The following EYS variants were observed in gnomAD, a reference collection of about 807,000 sequenced individuals.
EYS encodes protein eyes shut homolog.
Under a neutral mutation model 282.1 loss-of-function variants are expected in EYS, and 250 were observed. The observed-to-expected ratio is 0.89, with a 90% CI of 0.80 to 0.98. EYS has a LOEUF of 0.98. Ranked by LOEUF, EYS falls within the 50% of genes least tolerant of loss-of-function variation. The probability of loss-of-function intolerance (pLI) is 0.00; values close to 1 mark genes in which losing one functional copy is unlikely to be tolerated. For missense variants in EYS, 4,016 were observed against 3,709.0 expected (o/e 1.08, Z -2.15); for synonymous variants, 1,355 against 1,282.9 (o/e 1.06, Z -1.20).
chr6:64,893,642 A>G (rs1246336658), intron 18 of EYS, among the ~76,000 whole-genome samples: 1 of 152,032 alleles, frequency 6.6e-6, no homozygotes, highest in African/African-American at 2.4e-5. Context: ...TTCATTGAAA[A>G]TGGCTTTTAT....
chr6:65,062,748 A>C (rs1773616339), intron 12 of EYS, among the ~76,000 whole-genome samples: 1 of 151,934 alleles, frequency 6.6e-6, no homozygotes, highest in Admixed American at 6.6e-5. Context: ...TCTCTGGAGG[A>C]TAACTCATTC....
intron 12 of EYS, among the ~76,000 whole-genome samples, chr6:65,217,172 C>A (rs1766335911): frequency 1.3e-5 from 2 of 151,948 alleles, no homozygotes; most frequent in Admixed American, 1.3e-4. Flanking sequence ...ATGTTGTGCT[C>A]TTGAGAAGTA....
intron 29 of EYS, among the ~76,000 whole-genome samples, chr6:64,355,174 TAC>T (rs1402411163): frequency 6.6e-6 from 1 of 151,648 alleles, no homozygotes; most frequent in African/African-American, 2.4e-5. Flanking sequence ...ATGTGCTGCC[TAC>T]AGTTATCTCA....
chr6:64,518,438 C>T (rs1457629150), intron 26 of EYS, among the ~76,000 whole-genome samples: 1 of 151,678 alleles, frequency 6.6e-6, no homozygotes, highest in Non-Finnish European at 1.5e-5. Context: ...TGATTTCATA[C>T]CGTAAGTTGA....
At chr6:65,489,522 TTGG>T (rs948041081) in intron 5 of EYS, 1 of 152,120 alleles carries the variant, frequency 6.6e-6, no homozygotes, top group African/African-American at 2.4e-5. Flanking sequence ...TTTTACACTG[TTGG>T]TGGGAGTGTA....
At chr6:63,855,558 T>G (rs1433303829) in intron 36 of EYS, among the ~76,000 whole-genome samples, 1 of 152,242 alleles carries the variant, frequency 6.6e-6, no homozygotes, top group Non-Finnish European at 1.5e-5. Context: ...GAAGGACTTT[T>G]AAATTATTTT....
At chr6:63,771,711 A>G (rs1244871134) in intron 40 of EYS, among the ~76,000 whole-genome samples, 3 of 152,220 alleles carry the variant, frequency 2.0e-5, no homozygotes, top group South Asian at 4.1e-4. Context: ...GCCACAGTGT[A>G]GGGAGGCTTG....
At chr6:63,859,056 TC>T (rs1481471009) in intron 36 of EYS, among the ~76,000 whole-genome samples, 7 of 146,418 alleles carry the variant, frequency 4.8e-5, no homozygotes, top group African/African-American at 1.7e-4. Context: ...AATTTTGATT[TC>T]CATTGATGTC....
At chr6:63,845,676 G>T (rs1198474086) in intron 36 of EYS, among the ~76,000 whole-genome samples, 7 of 148,730 alleles carry the variant, frequency 4.7e-5, no homozygotes, top group Admixed American at 2.7e-4. Flanking sequence ...TTTTTGTCTA[G>T]GGGACTTTTT....
chr6:65,615,334 A>G (rs1161994461), intron 2 of EYS, among the ~76,000 whole-genome samples: 1 of 151,340 alleles, frequency 6.6e-6, no homozygotes, highest in Non-Finnish European at 1.5e-5. Context: ...CTCTGAGGAA[A>G]ATAATTCATC....
chr6:64,123,160 T>C (rs1050512242), intron 31 of EYS, among the ~76,000 whole-genome samples: 1 of 152,228 alleles, frequency 6.6e-6, no homozygotes, highest in Non-Finnish European at 1.5e-5. Context: ...GATTTTTGTT[T>C]GTTATCCTGA....
Position 63,883,433 on chromosome 6 carries a change from C to G in EYS, c.7056-19075G>C, listed in dbSNP as rs563309295. Among the ~76,000 whole-genome samples the G allele has an allele frequency of 2.6e-5, 4 of 152,374 alleles. No homozygotes were observed. The South Asian group carries it at 6.2e-4, about 24-fold the overall frequency. ...TCTTCTACCCTTGTGAAAACACAGT[C>G]TGAAGGAGCAGAGTCAATGCCCCAC... is the stretch of plus-strand genomic sequence containing the variant. On this transcript the variant is annotated intron_variant, in intron 35 of 42. Coordinates refer to ENST00000503581, the MANE Select transcript of EYS (RefSeq NM_001142800.2).
intron 2 of EYS, among the ~76,000 whole-genome samples, chr6:65,524,997 G>A (rs1463547920): frequency 2.0e-5 from 3 of 151,816 alleles, no homozygotes; most frequent in Non-Finnish European, 4.4e-5. Context: ...GGAAGTCCAC[G>A]TTGCTGGGCC....
At chr6:63,978,437 G>C (rs1430852481) in intron 35 of EYS, among the ~76,000 whole-genome samples, 2 of 151,904 alleles carry the variant, frequency 1.3e-5, no homozygotes, top group East Asian at 3.9e-4. Flanking sequence ...GTAGACTACA[G>C]ACAGAAAGTG....
intron 26 of EYS, among the ~76,000 whole-genome samples, chr6:64,542,419 A>T (rs1320610407): frequency 6.6e-6 from 1 of 152,088 alleles, no homozygotes. Context: ...CCTCTCAATT[A>T]TACTGTTTAT....
At chr6:65,489,924 A>T (rs1479662175) in intron 5 of EYS, 1 of 152,232 alleles carries the variant, frequency 6.6e-6, no homozygotes, top group East Asian at 1.9e-4. Context: ...TGGGGGTTCA[A>T]CAATGAGAAC....
chr6:65,387,265 A>G (rs537572634), intron 7 of EYS, among the ~76,000 whole-genome samples: 98 of 152,106 alleles, frequency 6.4e-4, no homozygotes, highest in African/African-American at 2.3e-3. Flanking sequence ...TTGGGAACAC[A>G]GCATGAATAG....
intron 24 of EYS, among the ~76,000 whole-genome samples, chr6:64,613,898 T>C (rs987334327): frequency 2.6e-5 from 4 of 152,116 alleles, no homozygotes; most frequent in Non-Finnish European, 5.9e-5. Flanking sequence ...ACAAGGCTTG[T>C]CCTCAAGTGA....
At chr6:64,845,400 C>A (rs1765688489) in intron 19 of EYS, among the ~76,000 whole-genome samples, 1 of 152,122 alleles carries the variant, frequency 6.6e-6, no homozygotes, top group Admixed American at 6.6e-5. Flanking sequence ...ATATACACAT[C>A]TTGGTCTTAG....
Sources: allele counts gnomAD v4.1 joint callset (sites outside exome capture counted in the v4.1 genomes callset), GRCh38; gene constraint gnomAD v4.1.1; transcripts MANE v1.5; gene names NCBI Gene and HGNC (gene_info 2026-07-23, HGNC 2026-07-21).